GPC6: variants seen among roughly 807,000 people sequenced by gnomAD.
The protein encoded by GPC6 is glypican-6.
A neutral mutation model predicts 55.2 loss-of-function variants in GPC6; 14 were observed. The ratio of observed to expected loss-of-function variants is 0.25; its 90% CI spans 0.17 to 0.40. GPC6 has a LOEUF of 0.40. Ranked by LOEUF, GPC6 falls within the 10% of genes least tolerant of loss-of-function variation. The pLI is 1.00. For synonymous variants in GPC6, 278 were observed against 259.6 expected (o/e 1.07, Z -0.68); for missense variants, 641 against 708.5 (o/e 0.90, Z 1.08).
At chr13:93,959,432 G>T (rs1879665526) in intron 3 of GPC6, among the ~76,000 whole-genome samples, 1 of 152,066 alleles carries the variant, frequency 6.6e-6, no homozygotes, top group Admixed American at 6.6e-5. Context: ...CAGTGTGCTG[G>T]GATTACAGAT....
At chr13:94,194,986 T>A (rs1170160736) in intron 4 of GPC6, among the ~76,000 whole-genome samples, 3 of 152,076 alleles carry the variant, frequency 2.0e-5, no homozygotes, top group African/African-American at 7.2e-5. Context: ...AAGAGGAGTA[T>A]GAGAAGTATT....
intron 4 of GPC6, among the ~76,000 whole-genome samples, chr13:94,195,346 G>C (rs1889537719): frequency 6.6e-6 from 1 of 152,048 alleles, no homozygotes; most frequent in Non-Finnish European, 1.5e-5. Flanking sequence ...ACATCACTTG[G>C]ATTATAAGAA....
chr13:94,067,379 C>T (rs1205144361), intron 4 of GPC6, among the ~76,000 whole-genome samples: 1 of 152,046 alleles, frequency 6.6e-6, no homozygotes, highest in Non-Finnish European at 1.5e-5. Context: ...AGCTAGAATC[C>T]ACATCTCCCA....
chr13:93,261,925 T>TAC (rs34841808), intron 1 of GPC6, among the ~76,000 whole-genome samples: 16,292 of 144,406 alleles, frequency 0.11, 976 homozygotes, highest in Non-Finnish European at 0.14. Context: ...TCTCTCCCTC[T>TAC]ACACACACAC....
chr13:94,038,094 T>C (rs953062854), intron 4 of GPC6, among the ~76,000 whole-genome samples: 5 of 151,972 alleles, frequency 3.3e-5, no homozygotes, highest in African/African-American at 1.2e-4. Context: ...CCAGTTTTAT[T>C]GAGGTAGAAA....
At chr13:93,797,683 T>C (rs1314704095) in intron 2 of GPC6, among the ~76,000 whole-genome samples, 2 of 152,064 alleles carry the variant, frequency 1.3e-5, no homozygotes, top group Admixed American at 1.3e-4. Context: ...ACGTGTGAAA[T>C]AATGGCCTAA....
intron 4 of GPC6, among the ~76,000 whole-genome samples, chr13:94,080,009 C>T (rs902749110): frequency 1.3e-5 from 2 of 152,046 alleles, no homozygotes; most frequent in African/African-American, 2.4e-5. Context: ...ATAAGAAATG[C>T]CATAAATGAT....
chr13:94,328,771 G>T (rs1877256739), intron 6 of GPC6, among the ~76,000 whole-genome samples: 1 of 152,250 alleles, frequency 6.6e-6, no homozygotes, highest in South Asian at 2.1e-4. Context: ...GTCCGCTGGG[G>T]AAGTGGGCAG....
At chr13:93,968,576 C>G (rs1013955666) in intron 3 of GPC6, among the ~76,000 whole-genome samples, 6 of 152,020 alleles carry the variant, frequency 3.9e-5, no homozygotes, top group African/African-American at 1.2e-4. Context: ...TGGTACAAGC[C>G]ACCTGAAATC....
intron 2 of GPC6, among the ~76,000 whole-genome samples, chr13:93,616,880 T>A (rs1285671678): frequency 1.3e-5 from 2 of 152,116 alleles, no homozygotes; most frequent in Admixed American, 1.3e-4. Context: ...ATGCCTATGA[T>A]ATCCTCTAGT....
intron 8 of GPC6, among the ~76,000 whole-genome samples, chr13:94,402,568 G>T (rs1195682577): frequency 6.6e-6 from 1 of 152,084 alleles, no homozygotes; most frequent in Non-Finnish European, 1.5e-5. Context: ...CCCCATATCT[G>T]CTGAGCTCTG....
rs540725848 is a variant in GPC6, at chr13:93,757,490, C to CA, written c.320-72663dup. On this transcript the variant is annotated intron_variant, in intron 2 of 8. Coordinates refer to ENST00000377047, the MANE Select transcript of GPC6 (RefSeq NM_005708.5). ...TTTCTGTTACTGAGATCTATGGGAGCAGTGAGAAGCAGTGGACACTTCTAT... is the reference window on the plus strand; with the variant it reads ...TTTCTGTTACTGAGATCTATGGGAGCAAGTGAGAAGCAGTGGACACTTCTAT... Among the ~76,000 whole-genome samples the CA allele has an allele frequency of 3.6e-3, 547 of 152,244 alleles. 3 individuals carry two copies. The highest frequency in any genetic ancestry group is 0.012 in the African/African-American group (505 of 41,542).
chr13:94,292,475 A>G (rs532167715), intron 5 of GPC6, among the ~76,000 whole-genome samples: 1 of 152,328 alleles, frequency 6.6e-6, no homozygotes, highest in African/African-American at 2.4e-5. Flanking sequence ...TAGTACTTCC[A>G]TATGATAAAT....
At chr13:93,646,570 G>A (rs961956065) in intron 2 of GPC6, among the ~76,000 whole-genome samples, 2 of 151,970 alleles carry the variant, frequency 1.3e-5, no homozygotes, top group Admixed American at 1.3e-4. Context: ...TGTCCCCCCA[G>A]CAATTTTACT....
At chr13:93,745,956 G>A (rs1441521042) in intron 2 of GPC6, among the ~76,000 whole-genome samples, 1 of 152,178 alleles carries the variant, frequency 6.6e-6, no homozygotes, top group Non-Finnish European at 1.5e-5. Flanking sequence ...AAACAAATCA[G>A]TGATAATGAA....
At chr13:93,426,289 A>G (rs12855610) in intron 1 of GPC6, among the ~76,000 whole-genome samples, 36,474 of 151,400 alleles carry the variant, frequency 0.24, 4,358 homozygotes, top group Middle Eastern at 0.29. Flanking sequence ...ACAATGTGCA[A>G]GTTAGTTACA....
chr13:93,278,611 G>T (rs879924144), intron 1 of GPC6, among the ~76,000 whole-genome samples: 1 of 152,052 alleles, frequency 6.6e-6, no homozygotes, highest in Non-Finnish European at 1.5e-5. Context: ...TCTTATTCAC[G>T]TACAATAAAA....
chr13:93,319,350 G>GA (rs1175157071), intron 1 of GPC6, among the ~76,000 whole-genome samples: 3 of 152,042 alleles, frequency 2.0e-5, no homozygotes, highest in African/African-American at 7.2e-5. Flanking sequence ...ACAAGAAGGG[G>GA]AAAAACCCAC....
chr13:94,118,969 A>G (rs1315238747), intron 4 of GPC6, among the ~76,000 whole-genome samples: 1 of 151,338 alleles, frequency 6.6e-6, no homozygotes, highest in Non-Finnish European at 1.5e-5. Context: ...TAGATATTCA[A>G]ATTCCTGGCC....
Sources: gnomAD v4.1 joint callset for allele counts (sites outside exome capture counted in the v4.1 genomes callset) on GRCh38, gnomAD v4.1.1 for gene constraint, MANE v1.5 for transcripts, NCBI Gene and HGNC (gene_info 2026-07-23, HGNC 2026-07-21) for gene names.